PTPRU: variants seen among roughly 807,000 people sequenced by gnomAD.
PTPRU encodes the protein protein tyrosine phosphatase receptor type U.
A neutral mutation model predicts 166.3 loss-of-function variants in PTPRU; 69 were observed. The observed-to-expected ratio is 0.41, with a 90% CI of 0.34 to 0.51. PTPRU has a LOEUF of 0.51. Among genes scored for constraint, PTPRU ranks in the 20% least tolerant of loss-of-function variants. PTPRU has a pLI of 0.09. For missense variants in PTPRU, 1,657 were observed against 2,013.7 expected (o/e 0.82, Z 3.39); for synonymous variants, 793 against 814.0 (o/e 0.97, Z 0.44).
intron 14 of PTPRU, chr1:29,289,791 C>T: frequency 1.3e-6 from 2 of 1,520,762 alleles, no homozygotes; most frequent in Non-Finnish European, 1.8e-6. Context: ...TCTGGTTGGG[C>T]TTAGTCTCGC....
At chr1:29,323,542 G>A (rs201958241) in intron 27 of PTPRU, 46 bp downstream of exon 27, 1 of 1,611,416 alleles carries the variant, frequency 6.2e-7, no homozygotes, top group East Asian at 2.2e-5. Flanking sequence ...GGTGGTGGCT[G>A]GGGCAGCTTT....
At chr1:29,303,067 CAA>C (rs1341086073) in intron 15 of PTPRU, among the ~76,000 whole-genome samples, 2 of 152,174 alleles carry the variant, frequency 1.3e-5, no homozygotes, top group African/African-American at 2.4e-5. Flanking sequence ...AATCACCTAA[CAA>C]TGCATTTTTC....
intron 21 of PTPRU, among the ~76,000 whole-genome samples, chr1:29,312,088 G>A (rs1198538419): frequency 6.6e-6 from 1 of 152,222 alleles, no homozygotes; most frequent in Non-Finnish European, 1.5e-5. Flanking sequence ...AGAAAGTGAG[G>A]CTCAGAGGGC....
At chr1:29,252,737 G>A (rs1424488663) in intron 1 of PTPRU, among the ~76,000 whole-genome samples, 1 of 152,200 alleles carries the variant, frequency 6.6e-6, no homozygotes. Context: ...CTGTTGTTTG[G>A]GAAAAGCTCT....
In PTPRU at chr1:29,259,580, G is replaced by C; in HGVS notation, c.675+16G>C. On this transcript the variant is annotated intron_variant, in intron 5 of 29. Transcript: ENST00000373779. ...CCTCTTGCAAGTGAGCGGGAGCGGTGATCTTGGCTGGGGGCGGGGTGGGAG... is the reference window on the plus strand; with the variant it reads ...CCTCTTGCAAGTGAGCGGGAGCGGTCATCTTGGCTGGGGGCGGGGTGGGAG... 4 of 490,900 alleles carry C rather than the reference G, an allele frequency of 8.1e-6. No individual in the cohort carries two copies. The highest frequency in any genetic ancestry group is 1.2e-5 in the Non-Finnish European group (3 of 252,948). 30.4% of individuals were successfully genotyped at this position (490,900 alleles called of 1,614,324 possible).
At chr1:29,282,468 T>C (rs1228261791) in intron 11 of PTPRU, among the ~76,000 whole-genome samples, 3 of 152,150 alleles carry the variant, frequency 2.0e-5, no homozygotes, top group Non-Finnish European at 4.4e-5. Context: ...CCATCTATCT[T>C]CTGAACAGTC....
In PTPRU at chr1:29,311,674, C is replaced by T; in HGVS notation, c.2987C>T (p.Ser996Leu). The T allele has an allele frequency of 1.9e-6, 3 of 1,614,226 alleles. No individual in the cohort carries two copies. Among genetic ancestry groups the T allele is most frequent in the Non-Finnish European group, 2.5e-6 (3 of 1,180,016 alleles). ...TGCTCACGGTACTGGCCGGAGGACTCAGACACCTACGGGGACATCAAGATT... is the reference window on the plus strand; with the variant it reads ...TGCTCACGGTACTGGCCGGAGGACTTAGACACCTACGGGGACATCAAGATT... Reference protein sequence around the residue: ...VKCSRYWPEDSDTYGDIKIML... With the variant: ...VKCSRYWPEDLDTYGDIKIML... The change falls in exon 21 of 30, where the codon TCA becomes TTA. Residue 996 changes from serine (S) to leucine (L), a missense_variant. Ser to Leu is a moderately radical substitution (Grantham distance 145). Transcript: ENST00000373779. The surrounding 1 kb of genome is among the most constrained non-coding windows in gnomAD (Gnocchi z 4.1).
At chr1:29,306,148 T>A (rs1483722235) in intron 18 of PTPRU, among the ~76,000 whole-genome samples, 1 of 152,186 alleles carries the variant, frequency 6.6e-6, no homozygotes, top group Non-Finnish European at 1.5e-5. Flanking sequence ...TCCTGCCCCC[T>A]GCTGCAGCAG....
Position 29,291,306 on chromosome 1 carries a change from T to G in PTPRU, c.2319-563T>G, listed in dbSNP as rs370903145. 6.6e-6 allele frequency among the ~76,000 whole-genome samples: 1 copy of G among 152,114 alleles called. No individual in the cohort carries two copies. The highest frequency in any genetic ancestry group is 1.9e-4 in the East Asian group (1 of 5,178). On this transcript the variant is annotated intron_variant, in intron 14 of 29. Coordinates refer to ENST00000373779, the MANE Select transcript of PTPRU (RefSeq NM_133178.4). This position sits in a 1 kb window ranked among gnomAD's most constrained non-coding sequence, Gnocchi z 4.1. ...GGGAGAAGCCAAGGGTGGAGTTCAT[T>G]CTGTGCGTGGGGGAAGCCCCCGAGC...
At chr1:29,245,464 G>A (rs546762361) in intron 1 of PTPRU, among the ~76,000 whole-genome samples, 1 of 152,204 alleles carries the variant, frequency 6.6e-6, no homozygotes, top group Non-Finnish European at 1.5e-5. Flanking sequence ...GACCCTCCCA[G>A]CAACACTGTT....
rs1384812595 is a variant in PTPRU, at chr1:29,323,502, T to C, written c.3954+6T>C. 1 of 1,610,230 alleles carries C rather than the reference T, an allele frequency of 6.2e-7. No homozygotes were observed. Among genetic ancestry groups the C allele is most frequent in the Middle Eastern group, 1.7e-4 (1 of 6,036 alleles). On this transcript the variant is annotated splice_donor_region_variant and intron_variant, in intron 27 of 29. Coordinates refer to ENST00000373779, the MANE Select transcript of PTPRU (RefSeq NM_133178.4). ...GGGTGCAGAACATCTCTCGGGTGAG[T>C]GGTCTGAGGAGCCCCAGGGAAGGAC... is the stretch of plus-strand genomic sequence containing the variant.
chr1:29,252,898 A>G (rs1483031304), intron 1 of PTPRU, among the ~76,000 whole-genome samples: 2 of 152,200 alleles, frequency 1.3e-5, no homozygotes, highest in African/African-American at 4.8e-5. Context: ...CCTCCAATTC[A>G]GTTCTAGCAC....
In PTPRU at chr1:29,283,089, A is replaced by G. The variant is rs553048545; in HGVS notation, c.2142+140A>G. ...CACCTCCCATAGCCCCACCTCCCAT[A>G]GCTCCTCCTCCTACAGCCCACCCCC... On this transcript the variant is annotated intron_variant, in intron 12 of 29. Coordinates refer to ENST00000373779, the MANE Select transcript of PTPRU (RefSeq NM_133178.4). The G allele has an allele frequency of 4.0e-6, 5 of 1,235,258 alleles. No individual in the cohort carries two copies. The African/African-American group carries it at 4.7e-5, about 11-fold the overall frequency. The allele number at this position is 1,235,258 out of a possible 1,614,324, so 76.5% of individuals were successfully genotyped here.
At position 29,325,222 on chromosome 1, in the gene PTPRU, G is replaced by C; in HGVS notation, c.4144G>C (p.Ala1382Pro). Residue 1382 changes from alanine to proline, a missense_variant, in exon 29 of 30, where the codon GCC becomes CCC. Physicochemically the swap from Ala to Pro is conservative, Grantham distance 27. Transcript: ENST00000373779. ...GGGAGGACGCAGCGGCACCTTCTGC[G>C]CCTGCGCCACGGTCCTGGAGATGAT... ...NGGGRSGTFC[A>P]CATVLEMIRC... The C allele has an allele frequency of 6.2e-7, 1 of 1,614,162 alleles. No homozygotes were observed. Among genetic ancestry groups the C allele is most frequent in the Non-Finnish European group, 8.5e-7 (1 of 1,180,032 alleles).
At position 29,283,050 on chromosome 1, in the gene PTPRU, A is replaced by G. The variant is rs149171358; in HGVS notation, c.2142+101A>G. ...GCCCAGCGCAGACTCCAGGCCCGGC[A>G]CTTCCCATAGCCCCACCTCCCATAG... On this transcript the variant is annotated intron_variant, in intron 12 of 29. Transcript: ENST00000373779. 2,128 of 1,494,426 alleles carry G rather than the reference A, an allele frequency of 1.4e-3. 29 individuals are homozygous for G. In the African/African-American group the frequency reaches 0.025, roughly 17 times the overall value. The allele number at this position is 1,494,426 out of a possible 1,614,324, so 92.6% of individuals were successfully genotyped here. A position where few individuals can be genotyped will look rare whatever the true frequency, so the allele number is the denominator to read the frequency against.
intron 12 of PTPRU, among the ~76,000 whole-genome samples, chr1:29,283,157 C>G (rs1258514829): frequency 2.0e-5 from 3 of 150,148 alleles, no homozygotes; most frequent in Non-Finnish European, 4.4e-5. Flanking sequence ...AGCCCTGGCC[C>G]CACAGTTCCT....
At position 29,238,005 on chromosome 1, in the gene PTPRU, A is replaced by T. The variant is rs1239929828; in HGVS notation, c.73+1288A>T. ...GGGGGACGCCCGGGCCTCCCGGGAC[A>T]CTCCCTTGGTGGAGCCTGCAACTTT... On this transcript the variant is annotated intron_variant, in intron 1 of 29. Transcript: ENST00000373779. This position sits in a 1 kb window ranked among gnomAD's most constrained non-coding sequence, Gnocchi z 6.1. 6.7e-6 allele frequency among the ~76,000 whole-genome samples: 1 copy of T among 150,218 alleles called. No individual in the cohort carries two copies. The highest frequency in any genetic ancestry group is 1.5e-5 in the Non-Finnish European group (1 of 67,416).
Position 29,315,793 on chromosome 1 carries a change from A to T in PTPRU, c.3364-209A>T, listed in dbSNP as rs558121730. On this transcript the variant is annotated intron_variant, in intron 23 of 29. Coordinates refer to ENST00000373779, the MANE Select transcript of PTPRU (RefSeq NM_133178.4). This position sits in a 1 kb window ranked among gnomAD's most constrained non-coding sequence, Gnocchi z 4.5. ...GTCCCCCACCTCTCAGAGCACTCAC[A>T]GAGTTGTTATAGGGGGTAGGGATGA... 6.6e-6 allele frequency among the ~76,000 whole-genome samples: 1 copy of T among 152,222 alleles called. No homozygotes were observed. Among genetic ancestry groups the T allele is most frequent in the East Asian group, 1.9e-4 (1 of 5,170 alleles).
intron 15 of PTPRU, among the ~76,000 whole-genome samples, chr1:29,295,495 C>T (rs1686841152): frequency 6.6e-6 from 1 of 152,128 alleles, no homozygotes; most frequent in Non-Finnish European, 1.5e-5. Context: ...TATATTGCCC[C>T]ATTTATTTAG....
Sources: gnomAD v4.1 joint callset for allele counts (sites outside exome capture counted in the v4.1 genomes callset) on GRCh38, gnomAD v4.1.1 for gene constraint, Gnocchi (gnomAD v3.1) non-coding constraint, MANE v1.5 for transcripts, NCBI Gene and HGNC (gene_info 2026-07-23, HGNC 2026-07-21) for gene names.